PTPRO: variants seen among roughly 807,000 people sequenced by gnomAD.
PTPRO encodes the protein receptor-type tyrosine-protein phosphatase O.
In PTPRO, 62 loss-of-function variants were observed where a neutral mutation model predicts 145.2. That is an observed-to-expected ratio of 0.43 (90% CI 0.35 to 0.53). The LOEUF is 0.53. Ranked by LOEUF, PTPRO falls within the 20% of genes least tolerant of loss-of-function variation. The pLI is 0.01. For missense variants in PTPRO, 1,345 were observed against 1,482.7 expected (o/e 0.91, Z 1.53); for synonymous variants, 565 against 514.7 (o/e 1.10, Z -1.32).
At chr12:15,454,730 C>G (rs978238860) in intron 1 of PTPRO, among the ~76,000 whole-genome samples, 7 of 152,114 alleles carry the variant, frequency 4.6e-5, no homozygotes, top group African/African-American at 7.2e-5. Flanking sequence ...GTGTTTAAGT[C>G]TTCAATACAT....
At chr12:15,420,489 AAACTC>A (rs1288349647) in intron 1 of PTPRO, among the ~76,000 whole-genome samples, 2 of 151,708 alleles carry the variant, frequency 1.3e-5, no homozygotes, top group South Asian at 2.1e-4. Flanking sequence ...CCAATTGTGG[AAACTC>A]AACTCAGGCA....
At chr12:15,374,526 G>A (rs947487163) in intron 1 of PTPRO, among the ~76,000 whole-genome samples, 1 of 152,086 alleles carries the variant, frequency 6.6e-6, no homozygotes, top group Non-Finnish European at 1.5e-5. Flanking sequence ...CAGTCTTGGA[G>A]CACTGGAGGG....
intron 1 of PTPRO, among the ~76,000 whole-genome samples, chr12:15,384,438 G>C (rs1938959463): frequency 6.6e-6 from 1 of 152,162 alleles, no homozygotes; most frequent in Non-Finnish European, 1.5e-5. Flanking sequence ...GAAAAGCTAA[G>C]ATCGAGGTTC....
At chr12:15,560,117 A>T (rs1378014650) in intron 16 of PTPRO, 76 bp from the exon 17 acceptor site, 2 of 988,722 alleles carry the variant, frequency 2.0e-6, no homozygotes, top group Non-Finnish European at 3.3e-6. Context: ...TAATTTACTG[A>T]TATCTATTCA....
intron 25 of PTPRO, among the ~76,000 whole-genome samples, chr12:15,591,310 G>C (rs1944547256): frequency 6.6e-6 from 1 of 152,092 alleles, no homozygotes; most frequent in Non-Finnish European, 1.5e-5. Flanking sequence ...GACGGAGGTT[G>C]CAATGAGCTG....
intron 1 of PTPRO, among the ~76,000 whole-genome samples, chr12:15,363,773 C>CA (rs1470333925): frequency 1.3e-5 from 2 of 151,744 alleles, no homozygotes; most frequent in Non-Finnish European, 2.9e-5. Context: ...CAGCTCTTTG[C>CA]AAAAAAACGC....
At chr12:15,479,105 T>G (rs2136430873) in intron 1 of PTPRO, among the ~76,000 whole-genome samples, 1 of 152,312 alleles carries the variant, frequency 6.6e-6, no homozygotes, top group South Asian at 2.1e-4. Context: ...GGATTTCATA[T>G]GTAAAGCCTG....
intron 5 of PTPRO, among the ~76,000 whole-genome samples, chr12:15,502,287 T>A (rs1353490907): frequency 6.6e-6 from 1 of 152,180 alleles, no homozygotes; most frequent in African/African-American, 2.4e-5. Context: ...ATTCACAAGT[T>A]GTAAGTACTG....
intron 6 of PTPRO, among the ~76,000 whole-genome samples, chr12:15,506,536 T>C (rs1270852011): frequency 6.6e-6 from 1 of 152,258 alleles, no homozygotes; most frequent in African/African-American, 2.4e-5. Context: ...AAACTTACAA[T>C]CATGGCAGAA....
chr12:15,594,805 A>G lies in PTPRO; in HGVS notation c.3547-132A>G, dbSNP rs150782938. The G allele has an allele frequency of 1.4e-3, 960 of 687,116 alleles. 7 individuals are homozygous for G. In the African/African-American group the frequency reaches 0.014, roughly 10 times the overall value. 42.6% of individuals were successfully genotyped at this position (687,116 alleles called of 1,614,324 possible). A position where few individuals can be genotyped will look rare whatever the true frequency, so the allele number is the denominator to read the frequency against. On this transcript the variant is annotated intron_variant, in intron 25 of 26. Coordinates refer to ENST00000281171, the MANE Select transcript of PTPRO (RefSeq NM_030667.3). The stretch of plus-strand genomic sequence containing the variant: ...GATTCTCTTGGATTTTCTAGTTATA[A>G]AACTGTGTCTCTGTAAATAATGAAA...
intron 2 of PTPRO, among the ~76,000 whole-genome samples, chr12:15,489,576 C>G (rs1941958476): frequency 6.6e-6 from 1 of 152,102 alleles, no homozygotes; most frequent in Admixed American, 6.6e-5. Context: ...TCTTAGCATG[C>G]TAATGTATTA....
chr12:15,458,661 C>T (rs1385681646), intron 1 of PTPRO, among the ~76,000 whole-genome samples: 1 of 151,386 alleles, frequency 6.6e-6, no homozygotes. Context: ...TTATTGTATT[C>T]TTCAGCTCAT....
chr12:15,431,869 A>G (rs1207306874), intron 1 of PTPRO, among the ~76,000 whole-genome samples: 3 of 152,172 alleles, frequency 2.0e-5, no homozygotes, highest in Non-Finnish European at 4.4e-5. Context: ...CTAGTCTCAT[A>G]CCATATTCAT....
intron 1 of PTPRO, among the ~76,000 whole-genome samples, chr12:15,481,059 A>C (rs1379518179): frequency 6.6e-6 from 1 of 152,234 alleles, no homozygotes; most frequent in African/African-American, 2.4e-5. Flanking sequence ...TGGATAAGGG[A>C]AGGAGCTAGT....
intron 1 of PTPRO, among the ~76,000 whole-genome samples, chr12:15,432,763 G>A (rs1161937758): frequency 6.6e-6 from 1 of 152,180 alleles, no homozygotes; most frequent in East Asian, 1.9e-4. Context: ...GTGATGCTGA[G>A]CTTTTTTCAT....
intron 15 of PTPRO, among the ~76,000 whole-genome samples, chr12:15,553,886 G>T (rs1943541967): frequency 1.3e-5 from 2 of 152,130 alleles, no homozygotes; most frequent in South Asian, 4.1e-4. Flanking sequence ...GGAGCAACAG[G>T]ATTTGCTAAT....
At chr12:15,521,157 C>T (rs1247321321) in intron 10 of PTPRO, among the ~76,000 whole-genome samples, 1 of 151,730 alleles carries the variant, frequency 6.6e-6, no homozygotes, top group African/African-American at 2.4e-5. Flanking sequence ...AGAAAAATAC[C>T]GCTTAGAGGA....
intron 1 of PTPRO, among the ~76,000 whole-genome samples, chr12:15,422,136 T>C (rs967703465): frequency 2.6e-5 from 4 of 152,106 alleles, no homozygotes; most frequent in Non-Finnish European, 4.4e-5. Context: ...GGGAGTAGGA[T>C]TGGATTTTGC....
At chr12:15,513,115 G>A (rs1332005835) in intron 7 of PTPRO, among the ~76,000 whole-genome samples, 4 of 5,146 alleles carry the variant, frequency 7.8e-4, no homozygotes, top group African/African-American at 1.9e-3. Context: ...AAGAAAGGAA[G>A]GAAGGAAGGA....
Sources: gnomAD v4.1 joint callset for allele counts (sites outside exome capture counted in the v4.1 genomes callset) on GRCh38, gnomAD v4.1.1 for gene constraint, MANE v1.5 for transcripts, NCBI Gene and HGNC (gene_info 2026-07-23, HGNC 2026-07-21) for gene names.